AOAH: variants seen among roughly 807,000 people sequenced by gnomAD.
The protein encoded by AOAH is acyloxyacyl hydrolase (neutrophil).
In AOAH, 64 loss-of-function variants were observed where a neutral mutation model predicts 92.2. The ratio of observed to expected loss-of-function variants is 0.69; its 90% CI spans 0.57 to 0.86. The LOEUF is 0.86. Among genes scored for constraint, AOAH ranks in the 40% least tolerant of loss-of-function variants. AOAH has a pLI of 0.00. For synonymous variants in AOAH, 263 were observed against 254.5 expected (o/e 1.03, Z -0.32); for missense variants, 656 against 694.6 (o/e 0.94, Z 0.62).
At chr7:36,638,990 G>A (rs765982013) in intron 4 of AOAH, among the ~76,000 whole-genome samples, 4 of 152,182 alleles carry the variant, frequency 2.6e-5, no homozygotes, top group Non-Finnish European at 2.9e-5. Flanking sequence ...CGTCAACTAT[G>A]GGGCCACTGT....
chr7:36,544,842 G>A (rs565025034), intron 15 of AOAH, among the ~76,000 whole-genome samples: 1 of 152,230 alleles, frequency 6.6e-6, no homozygotes, highest in African/African-American at 2.4e-5. Context: ...TCCCTTCCAA[G>A]GAAGAAACTG....
intron 3 of AOAH, among the ~76,000 whole-genome samples, chr7:36,666,352 CTTGA>C (rs1261880765): frequency 6.6e-6 from 1 of 151,944 alleles, no homozygotes; most frequent in African/African-American, 2.4e-5. Flanking sequence ...CATAATATTT[CTTGA>C]TTATCTTTTT....
At chr7:36,590,551 T>C (rs1789670258) in intron 12 of AOAH, among the ~76,000 whole-genome samples, 1 of 152,232 alleles carries the variant, frequency 6.6e-6, no homozygotes, top group Non-Finnish European at 1.5e-5. Flanking sequence ...ATAATAAATT[T>C]TGAGAGGACA....
chr7:36,609,186 C>T (rs1361264770), intron 11 of AOAH, among the ~76,000 whole-genome samples: 1 of 152,108 alleles, frequency 6.6e-6, no homozygotes, highest in Non-Finnish European at 1.5e-5. Flanking sequence ...TGATTCCAGA[C>T]TTCTGAGTTT....
chr7:36,544,393 C>T (rs181009817), intron 15 of AOAH, among the ~76,000 whole-genome samples: 5 of 152,194 alleles, frequency 3.3e-5, no homozygotes, highest in African/African-American at 7.2e-5. Context: ...TGCCAAAGGA[C>T]GAATGGGCTG....
chr7:36,520,589 C>G (rs1027233463), intron 20 of AOAH, among the ~76,000 whole-genome samples: 14 of 152,184 alleles, frequency 9.2e-5, no homozygotes, highest in African/African-American at 3.1e-4. Context: ...CCTGTAATCC[C>G]AGCTACTCAG....
At chr7:36,530,314 C>A (rs185185163) in intron 19 of AOAH, 104 bp downstream of exon 19, 2 of 763,456 alleles carry the variant, frequency 2.6e-6, no homozygotes, top group Non-Finnish European at 4.5e-6. Flanking sequence ...GTAACCCTGC[C>A]GAATCTGCTG....
chr7:36,516,869 G>A lies in AOAH; in HGVS notation c.1600-3489C>T, dbSNP rs1430663606. Among the ~76,000 whole-genome samples the A allele has an allele frequency of 6.6e-6, 1 of 152,220 alleles. No individual in the cohort carries two copies. Among genetic ancestry groups the A allele is most frequent in the Non-Finnish European group, 1.5e-5 (1 of 68,038 alleles). ...CGAAAATGAAAGAGCTCAGATATGA[G>A]CATTTGGTAACTGGTTTGAACGCAA... On this transcript the variant is annotated intron_variant, in intron 20 of 20. Coordinates refer to ENST00000617537, the MANE Select transcript of AOAH (RefSeq NM_001637.4). The surrounding 1 kb of genome is among the most constrained non-coding windows in gnomAD (Gnocchi z 5.0).
At chr7:36,612,757 C>T (rs1791553411) in intron 11 of AOAH, among the ~76,000 whole-genome samples, 2 of 152,054 alleles carry the variant, frequency 1.3e-5, no homozygotes, top group South Asian at 4.2e-4. Context: ...CACTTTTAAC[C>T]TTTGTTTGTT....
At chr7:36,609,772 G>T (rs1194813687) in intron 11 of AOAH, among the ~76,000 whole-genome samples, 1 of 151,956 alleles carries the variant, frequency 6.6e-6, no homozygotes, top group East Asian at 1.9e-4. Context: ...AGCTCTATGG[G>T]CACCAGGGAT....
At chr7:36,662,111 T>G (rs1269664818) in intron 3 of AOAH, among the ~76,000 whole-genome samples, 1 of 152,190 alleles carries the variant, frequency 6.6e-6, no homozygotes, top group Admixed American at 6.5e-5. Context: ...TAGAAAGAAC[T>G]ACCCTGTGTT....
intron 1 of AOAH, among the ~76,000 whole-genome samples, chr7:36,687,451 T>C (rs548097700): frequency 5.9e-5 from 9 of 152,238 alleles, no homozygotes; most frequent in Admixed American, 5.2e-4. Context: ...ATGTGGTAAG[T>C]GTGAATGCCT....
Position 36,516,292 on chromosome 7 carries a change from A to C in AOAH, c.1600-2912T>G, listed in dbSNP as rs111417375. On this transcript the variant is annotated intron_variant, in intron 20 of 20. Transcript: ENST00000617537. This position sits in a 1 kb window ranked among gnomAD's most constrained non-coding sequence, Gnocchi z 5.0. ...CCACATACACATATAACATACACAC[A>C]CCCCCCCACACAGATACCACACACA... 1.3e-4 allele frequency among the ~76,000 whole-genome samples: 17 copies of C among 135,296 alleles called. No individual in the cohort carries two copies. The highest frequency in any genetic ancestry group is 3.1e-4 in the African/African-American group (11 of 36,028). The allele number at this position is 135,296 out of a possible 152,430, so 88.8% of individuals were successfully genotyped here.
chr7:36,520,854 G>A (rs947938216), intron 20 of AOAH, among the ~76,000 whole-genome samples: 1 of 152,170 alleles, frequency 6.6e-6, no homozygotes, highest in Admixed American at 6.5e-5. Flanking sequence ...TGATACACAG[G>A]AAGGTTAGAA....
chr7:36,656,335 C>G (rs1794892455), intron 4 of AOAH, among the ~76,000 whole-genome samples: 1 of 152,154 alleles, frequency 6.6e-6, no homozygotes. Flanking sequence ...TAAAAATGAA[C>G]TAGCCGGTGG....
intron 11 of AOAH, among the ~76,000 whole-genome samples, chr7:36,606,041 T>C (rs572576271): frequency 6.6e-6 from 1 of 152,338 alleles, no homozygotes; most frequent in Non-Finnish European, 1.5e-5. Context: ...TACTAAACAA[T>C]AGCTTTTCTT....
At chr7:36,517,156 G>GTCTTTCTTTCTTTCTTTCTC (rs1562853505) in intron 20 of AOAH, among the ~76,000 whole-genome samples, 2 of 95,500 alleles carry the variant, frequency 2.1e-5, no homozygotes, top group Admixed American at 1.1e-4. Context: ...ATCCATGTTA[G>GTCTTTCTTTCTTTCTTTCTC]TCTTTCTTTC....
intron 1 of AOAH, among the ~76,000 whole-genome samples, chr7:36,696,040 T>A (rs1004102582): frequency 2.6e-5 from 4 of 152,248 alleles, no homozygotes; most frequent in Non-Finnish European, 5.9e-5. Flanking sequence ...GTTAAAAGAC[T>A]ACCCTCTTGC....
intron 20 of AOAH, among the ~76,000 whole-genome samples, chr7:36,521,373 T>A (rs1011012541): frequency 6.6e-6 from 1 of 152,172 alleles, no homozygotes; most frequent in Non-Finnish European, 1.5e-5. Context: ...CGTGAGCAAG[T>A]CCAGGACATA....
Sources: allele counts gnomAD v4.1 joint callset (sites outside exome capture counted in the v4.1 genomes callset), GRCh38; gene constraint gnomAD v4.1.1; non-coding constraint Gnocchi (gnomAD v3.1); transcripts MANE v1.5; gene names NCBI Gene and HGNC (gene_info 2026-07-23, HGNC 2026-07-21).